PTPRG: variants seen among roughly 807,000 people sequenced by gnomAD.
The protein encoded by PTPRG is receptor-type tyrosine-protein phosphatase gamma.
A neutral mutation model predicts 165.3 loss-of-function variants in PTPRG; 102 were observed. That is an observed-to-expected ratio of 0.62 (90% CI 0.53 to 0.73). The LOEUF is 0.73. Ranked by LOEUF, PTPRG falls within the 30% of genes least tolerant of loss-of-function variation. PTPRG has a pLI of 0.00. For missense variants in PTPRG, 1,866 were observed against 1,861.4 expected, an observed-to-expected ratio of 1.00 and a Z score of -0.05; for synonymous variants, 675 against 669.5, an observed-to-expected ratio of 1.01 and a Z score of -0.13.
At chr3:62,006,214 C>G (rs1227494669) in intron 4 of PTPRG, among the ~76,000 whole-genome samples, 1 of 152,116 alleles carries the variant, frequency 6.6e-6, no homozygotes, top group African/African-American at 2.4e-5. Context: ...TGAGGTCCAT[C>G]TGATTCATAG....
chr3:61,740,840 T>C (rs764440045), intron 1 of PTPRG, among the ~76,000 whole-genome samples: 8 of 152,216 alleles, frequency 5.3e-5, no homozygotes, highest in Non-Finnish European at 4.4e-5. Flanking sequence ...TATTTGAATA[T>C]GATAAAATAG....
intron 2 of PTPRG, among the ~76,000 whole-genome samples, chr3:61,985,202 T>C (rs2040728991): frequency 6.6e-6 from 1 of 152,196 alleles, no homozygotes; most frequent in African/African-American, 2.4e-5. Context: ...AATGCCTGAG[T>C]AAGATGACCA....
intron 5 of PTPRG, among the ~76,000 whole-genome samples, chr3:62,102,239 C>T (rs745521858): frequency 1.3e-5 from 2 of 151,960 alleles, no homozygotes; most frequent in African/African-American, 4.8e-5. Flanking sequence ...TGTTTGGACA[C>T]CTTTCTTTCT....
chr3:61,871,597 G>T (rs1476264011), intron 2 of PTPRG, among the ~76,000 whole-genome samples: 1 of 152,116 alleles, frequency 6.6e-6, no homozygotes, highest in Admixed American at 6.5e-5. Flanking sequence ...GTTGGATCAT[G>T]GTTGATGTAG....
rs1702968624 is a variant in PTPRG, at chr3:62,293,403, A to T, written c.*96A>T. 1.7e-6 allele frequency: 2 copies of T among 1,157,872 alleles called. No homozygotes were observed. The highest frequency in any genetic ancestry group is 1.2e-6 in the Non-Finnish European group (1 of 852,404). 71.7% of individuals were successfully genotyped at this position (1,157,872 alleles called of 1,614,324 possible). Reference sequence around the variant, plus strand: ...CAGACTCTAGGTTATACAATAACCCAGTTACTTTTTTACACTGATAAAAGT... The same window carrying T: ...CAGACTCTAGGTTATACAATAACCCTGTTACTTTTTTACACTGATAAAAGT... On this transcript the variant is annotated 3_prime_UTR_variant, in exon 30 of 30. Coordinates refer to ENST00000474889, the MANE Select transcript of PTPRG (RefSeq NM_002841.4).
intron 2 of PTPRG, among the ~76,000 whole-genome samples, chr3:61,965,986 CTT>C (rs1177215377): frequency 1.3e-5 from 2 of 152,196 alleles, no homozygotes; most frequent in African/African-American, 4.8e-5. Context: ...TCAAAGCAAA[CTT>C]TTCTTTCATG....
chr3:61,636,281 A>G lies in PTPRG; in HGVS notation c.85+73909A>G, dbSNP rs186617436. Among the ~76,000 whole-genome samples the G allele has an allele frequency of 3.9e-3, 598 of 152,302 alleles. 8 individuals are homozygous for G. The highest frequency in any genetic ancestry group is 3.1e-3 in the Non-Finnish European group (209 of 68,024). On this transcript the variant is annotated intron_variant, in intron 1 of 29. Transcript: ENST00000474889. ...TTGTATAATGATCTTATTTTAGAAC[A>G]TTTTTATTATACCCGAAAGAAACCT...
chr3:61,568,610 A>G (rs1473710757), intron 1 of PTPRG, among the ~76,000 whole-genome samples: 3 of 152,002 alleles, frequency 2.0e-5, no homozygotes, highest in Non-Finnish European at 4.4e-5. Flanking sequence ...ATACAACTGT[A>G]AAAAAAATTT....
At chr3:62,034,865 A>C (rs1418488717) in intron 4 of PTPRG, among the ~76,000 whole-genome samples, 1 of 152,202 alleles carries the variant, frequency 6.6e-6, no homozygotes, top group African/African-American at 2.4e-5. Flanking sequence ...CTGGTTCAAT[A>C]AATGTAATGG....
chr3:62,104,748 G>A (rs1395337246), intron 5 of PTPRG, among the ~76,000 whole-genome samples: 2 of 152,178 alleles, frequency 1.3e-5, no homozygotes, highest in African/African-American at 4.8e-5. Context: ...ACCTTCCCAT[G>A]TGCATTACTA....
At chr3:61,654,160 C>T (rs1702445330) in intron 1 of PTPRG, among the ~76,000 whole-genome samples, 1 of 152,082 alleles carries the variant, frequency 6.6e-6, no homozygotes, top group Non-Finnish European at 1.5e-5. Context: ...ATAGCATTTA[C>T]CGTGGAGTCT....
intron 4 of PTPRG, among the ~76,000 whole-genome samples, chr3:62,031,873 G>A (rs1292370612): frequency 1.3e-5 from 2 of 152,202 alleles, no homozygotes; most frequent in Non-Finnish European, 2.9e-5. Flanking sequence ...TGAGCTCTGT[G>A]GAAGTGGCGG....
intron 5 of PTPRG, among the ~76,000 whole-genome samples, chr3:62,089,578 C>T (rs988215225): frequency 6.6e-6 from 1 of 152,192 alleles, no homozygotes; most frequent in African/African-American, 2.4e-5. Flanking sequence ...AGTTGGTGCT[C>T]ATATCATCTC....
intron 4 of PTPRG, among the ~76,000 whole-genome samples, chr3:62,074,354 T>TTCTTTC (rs1336100687): frequency 0.048 from 1,658 of 34,880 alleles, 63 homozygotes; most frequent in African/African-American, 0.11. Flanking sequence ...TTTTCTTTCT[T>TTCTTTC]TTTTTTTTTT....
intron 2 of PTPRG, among the ~76,000 whole-genome samples, chr3:61,930,319 A>T (rs1241876887): frequency 6.6e-6 from 1 of 152,170 alleles, no homozygotes; most frequent in African/African-American, 2.4e-5. Flanking sequence ...GGTGACTTTG[A>T]AAGGTATCTT....
At chr3:62,079,993 A>G (rs1473864259) in intron 5 of PTPRG, among the ~76,000 whole-genome samples, 1 of 151,906 alleles carries the variant, frequency 6.6e-6, no homozygotes, top group East Asian at 1.9e-4. Context: ...TCTTTTTATG[A>G]ACAGAAGTAT....
Position 61,794,835 on chromosome 3 carries a change from A to G in PTPRG, c.190+45853A>G, listed in dbSNP as rs1384678222. 2.0e-5 allele frequency among the ~76,000 whole-genome samples: 3 copies of G among 152,246 alleles called. No individual in the cohort carries two copies. In the East Asian group the frequency reaches 5.8e-4, roughly 29 times the overall value. ...TCGGTCTCCCACCTGAGAATGAGAA[A>G]GGAATTTAGGTGTGTTTTATACTCT... On this transcript the variant is annotated intron_variant, in intron 2 of 29. Coordinates refer to ENST00000474889, the MANE Select transcript of PTPRG (RefSeq NM_002841.4).
chr3:61,781,295 G>A (rs539617122), intron 2 of PTPRG, among the ~76,000 whole-genome samples: 40 of 152,320 alleles, frequency 2.6e-4, no homozygotes, highest in Non-Finnish European at 4.4e-4. Context: ...GTTTAGTTGT[G>A]TGTGCTTTTC....
chr3:61,590,529 A>G (rs1700543477), intron 1 of PTPRG, among the ~76,000 whole-genome samples: 1 of 152,192 alleles, frequency 6.6e-6, no homozygotes, highest in African/African-American at 2.4e-5. Context: ...ATCTCAAAAA[A>G]AAAAAGTATA....
Sources: allele counts gnomAD v4.1 joint callset (sites outside exome capture counted in the v4.1 genomes callset), GRCh38; gene constraint gnomAD v4.1.1; transcripts MANE v1.5; gene names NCBI Gene and HGNC (gene_info 2026-07-23, HGNC 2026-07-21).